The following SUGCT variants were observed in gnomAD, a reference collection of about 807,000 sequenced individuals.
SUGCT encodes succinyl-CoA:glutarate CoA-transferase.
Under a neutral mutation model 55.0 loss-of-function variants are expected in SUGCT, and 41 were observed. That is an observed-to-expected ratio of 0.74 (90% CI 0.58 to 0.97). The LOEUF (loss-of-function observed/expected upper bound fraction) is 0.97, where lower values mean the gene tolerates loss of function less well. SUGCT is among the 50% of genes least tolerant of loss of function. The probability of loss-of-function intolerance (pLI) is 0.00; values close to 1 mark genes in which losing one functional copy is unlikely to be tolerated. For missense variants in SUGCT, 568 were observed against 547.8 expected, an observed-to-expected ratio of 1.04 and a Z score of -0.37; for synonymous variants, 187 against 200.4, an observed-to-expected ratio of 0.93 and a Z score of 0.56.
intron 12 of SUGCT, among the ~76,000 whole-genome samples, chr7:40,679,645 G>T (rs959405509): frequency 2.0e-5 from 3 of 152,184 alleles, no homozygotes; most frequent in African/African-American, 7.2e-5. Context: ...ATGGACAATA[G>T]AAGAGAGCTA....
intron 13 of SUGCT, among the ~76,000 whole-genome samples, chr7:40,840,261 C>A (rs528784403): frequency 3.9e-5 from 6 of 152,074 alleles, no homozygotes; most frequent in Non-Finnish European, 8.8e-5. Flanking sequence ...GAATAATAAT[C>A]CTTTCATACC....
At chr7:40,265,821 T>A (rs1481792408) in intron 7 of SUGCT, among the ~76,000 whole-genome samples, 1 of 152,064 alleles carries the variant, frequency 6.6e-6, no homozygotes, top group African/African-American at 2.4e-5. Context: ...CATGATGGCA[T>A]GTGCCTGTAA....
At chr7:40,273,876 C>G (rs938095271) in intron 7 of SUGCT, among the ~76,000 whole-genome samples, 3 of 152,104 alleles carry the variant, frequency 2.0e-5, no homozygotes, top group African/African-American at 7.2e-5. Flanking sequence ...AAAGCTCATG[C>G]CCTGTGCCCA....
chr7:40,411,995 C>T (rs370692293), intron 9 of SUGCT, among the ~76,000 whole-genome samples: 2 of 152,284 alleles, frequency 1.3e-5, no homozygotes, highest in African/African-American at 4.8e-5. Flanking sequence ...GCATTTTTTC[C>T]TGCCTCCTTT....
intron 9 of SUGCT, among the ~76,000 whole-genome samples, chr7:40,343,957 A>C (rs1161051483): frequency 6.6e-6 from 1 of 152,054 alleles, no homozygotes; most frequent in Non-Finnish European, 1.5e-5. Flanking sequence ...TATTAGTTGA[A>C]ACTCTTATCT....
rs188226642 is a variant in SUGCT at position 40,703,137 on chromosome 7, T to C, written c.1090-46297T>C. ...TGGAGTGCCAGGGCGCGATCTCAGC[T>C]CACTGCAAACTCCGCCTCTCGGGTT... is the stretch of plus-strand genomic sequence containing the variant. On this transcript the variant is annotated intron_variant, in intron 12 of 13. Coordinates refer to ENST00000335693, the MANE Select transcript of SUGCT (RefSeq NM_001193313.2). 2.1e-3 allele frequency among the ~76,000 whole-genome samples: 304 copies of C among 148,002 alleles called. 1 individual carries two copies. The highest frequency in any genetic ancestry group is 6.5e-3 in the African/African-American group (259 of 39,838).
intron 12 of SUGCT, among the ~76,000 whole-genome samples, chr7:40,591,253 T>C (rs1481781879): frequency 2.6e-5 from 4 of 152,240 alleles, no homozygotes; most frequent in African/African-American, 9.6e-5. Flanking sequence ...CATGGATGAC[T>C]TTGAGGGGCT....
intron 12 of SUGCT, among the ~76,000 whole-genome samples, chr7:40,732,247 T>C (rs1786929392): frequency 6.6e-6 from 1 of 152,220 alleles, no homozygotes; most frequent in South Asian, 2.1e-4. Flanking sequence ...TCTGTCTGGC[T>C]GGTGACATTG....
intron 8 of SUGCT, among the ~76,000 whole-genome samples, chr7:40,300,383 A>C (rs994308679): frequency 6.6e-6 from 1 of 152,204 alleles, no homozygotes; most frequent in East Asian, 1.9e-4. Flanking sequence ...AAGATTAAAA[A>C]ATTCTGCCCT....
At chr7:41,005,486 G>C in the SUGCT span, among the ~76,000 whole-genome samples, 1 of 152,144 alleles carries the variant, frequency 6.6e-6, no homozygotes, top group South Asian at 2.1e-4. Flanking sequence ...GGTCCAGGGT[G>C]TGGTTTCTTT....
chr7:40,821,395 G>C (rs1286418049), intron 13 of SUGCT, among the ~76,000 whole-genome samples: 1 of 152,028 alleles, frequency 6.6e-6, no homozygotes, highest in Non-Finnish European at 1.5e-5. Context: ...GTCTGGTCCT[G>C]GACTTTTTTT....
At chr7:40,643,804 C>G (rs541129706) in intron 12 of SUGCT, among the ~76,000 whole-genome samples, 1 of 152,156 alleles carries the variant, frequency 6.6e-6, no homozygotes. Flanking sequence ...AAGCTTTCAC[C>G]CTTCCTGCCA....
intron 12 of SUGCT, among the ~76,000 whole-genome samples, chr7:40,551,053 G>A (rs955379798): frequency 6.6e-6 from 1 of 152,138 alleles, no homozygotes; most frequent in Non-Finnish European, 1.5e-5. Flanking sequence ...TCTCTGCAAT[G>A]CCTTGTTGCT....
At chr7:40,978,039 G>C in the SUGCT span, among the ~76,000 whole-genome samples, 1 of 152,152 alleles carries the variant, frequency 6.6e-6, no homozygotes, top group Non-Finnish European at 1.5e-5. Context: ...TATTGATAGG[G>C]TCTTGGATAG....
At chr7:40,284,682 G>T (rs1793199588) in intron 8 of SUGCT, among the ~76,000 whole-genome samples, 1 of 150,322 alleles carries the variant, frequency 6.7e-6, no homozygotes. Context: ...TGTAGTCATA[G>T]ATCAAACATT....
intron 13 of SUGCT, among the ~76,000 whole-genome samples, chr7:40,786,532 GA>G (rs1333432849): frequency 6.6e-6 from 1 of 152,070 alleles, no homozygotes; most frequent in Non-Finnish European, 1.5e-5. Context: ...TATACTAGCA[GA>G]AACAATTCCA....
At chr7:40,682,660 A>G (rs1784303997) in intron 12 of SUGCT, among the ~76,000 whole-genome samples, 1 of 151,948 alleles carries the variant, frequency 6.6e-6, no homozygotes, top group Non-Finnish European at 1.5e-5. Flanking sequence ...AGTAAGAAAA[A>G]CACTTTGTTT....
intron 9 of SUGCT, among the ~76,000 whole-genome samples, chr7:40,385,162 A>G (rs547289627): frequency 1.3e-5 from 2 of 152,312 alleles, no homozygotes; most frequent in Admixed American, 1.3e-4. Context: ...GGCCACTGGG[A>G]AAGATTCATA....
intron 9 of SUGCT, among the ~76,000 whole-genome samples, chr7:40,370,519 C>G (rs1423398143): frequency 6.6e-6 from 1 of 150,614 alleles, no homozygotes; most frequent in African/African-American, 2.4e-5. Context: ...TCCTCACTTG[C>G]AGAGATTCTT....
Sources: gnomAD v4.1 joint callset for allele counts (sites outside exome capture counted in the v4.1 genomes callset) on GRCh38, gnomAD v4.1.1 for gene constraint, MANE v1.5 for transcripts, NCBI Gene and HGNC (gene_info 2026-07-23, HGNC 2026-07-21) for gene names.